The following CCDC169 variants were observed in gnomAD, a reference collection of about 807,000 sequenced individuals.
CCDC169 encodes coiled-coil domain containing 169.
A neutral mutation model predicts 36.0 loss-of-function variants in CCDC169; 30 were observed. The ratio of observed to expected loss-of-function variants is 0.83; its 90% CI spans 0.62 to 1.13. CCDC169 has a LOEUF of 1.13. CCDC169 is among the 50% of genes most tolerant of loss of function. CCDC169 has a pLI of 0.00. For missense variants in CCDC169, 245 were observed against 245.9 expected, an observed-to-expected ratio of 1.00 and a Z score of 0.03; for synonymous variants, 85 against 81.5, an observed-to-expected ratio of 1.04 and a Z score of -0.23.
chr13:36,227,362 A>ATTCTTC, downstream of CCDC169: 2 of 1,548,138 alleles, frequency 1.3e-6, no homozygotes, highest in Non-Finnish European at 8.7e-7. Context: ...AAAGGGTCCA[A>ATTCTTC]TTCTTCTTTT....
At chr13:36,227,674 A>G (rs959969418), downstream of CCDC169, among the ~76,000 whole-genome samples, 2 of 152,214 alleles carry the variant, frequency 1.3e-5, no homozygotes, top group Admixed American at 1.3e-4. Flanking sequence ...TTACTGAGGT[A>G]TAAATCACAA....
downstream of CCDC169, chr13:36,227,047 T>C (rs181271496): frequency 1.8e-3 from 761 of 433,828 alleles, 6 homozygotes; most frequent in East Asian, 1.2e-3. Flanking sequence ...TCGAGGAGAG[T>C]TGGAAGAAGT....
chr13:36,279,135 C>T (rs550614792), intron 4 of CCDC169, among the ~76,000 whole-genome samples: 12 of 151,858 alleles, frequency 7.9e-5, no homozygotes, highest in South Asian at 2.1e-4. Context: ...ACCTAGACTA[C>T]GACAAAAGCA....
chr13:36,259,697 CTGAAG>C (rs1874371089), intron 4 of CCDC169, among the ~76,000 whole-genome samples: 1 of 151,820 alleles, frequency 6.6e-6, no homozygotes, highest in South Asian at 2.1e-4. Flanking sequence ...CAATCAGAGG[CTGAAG>C]TGAAGACTTG....
chr13:36,292,726 G>T (rs1021151524), intron 2 of CCDC169, among the ~76,000 whole-genome samples: 1 of 152,146 alleles, frequency 6.6e-6, no homozygotes, highest in South Asian at 2.1e-4. Context: ...GGGAAAAGTG[G>T]GGCCAAAAGA....
At chr13:36,233,229 T>G (rs1593987944) in intron 7 of CCDC169, among the ~76,000 whole-genome samples, 2 of 55,282 alleles carry the variant, frequency 3.6e-5, no homozygotes, top group African/African-American at 9.0e-5. Context: ...CAGCAGAGAC[T>G]TCAGTGTCCA....
chr13:36,285,321 G>A (rs1594083784), intron 2 of CCDC169, among the ~76,000 whole-genome samples: 1 of 152,218 alleles, frequency 6.6e-6, no homozygotes, highest in South Asian at 2.1e-4. Flanking sequence ...GGCTGAGGCT[G>A]GTGGATCACT....
intron 4 of CCDC169, 50 bp downstream of exon 4, chr13:36,283,419 G>A (rs1877784798): frequency 6.8e-7 from 1 of 1,475,828 alleles, no homozygotes; most frequent in Non-Finnish European, 9.2e-7. Context: ...GGAAAAAATA[G>A]ACATAATTTC....
intron 7 of CCDC169, chr13:36,244,350 T>A (rs1872225260): frequency 6.6e-6 from 1 of 152,238 alleles, no homozygotes. Context: ...GGAATTTTGG[T>A]GCATGCCAGG....
intron 4 of CCDC169, among the ~76,000 whole-genome samples, chr13:36,282,127 T>C (rs1877612105): frequency 1.5e-5 from 1 of 68,392 alleles, no homozygotes; most frequent in Non-Finnish European, 4.4e-5. Flanking sequence ...TTCATAAGTA[T>C]GTCTGTACAG....
chr13:36,291,470 G>A (rs988889680), intron 2 of CCDC169, among the ~76,000 whole-genome samples: 3 of 152,042 alleles, frequency 2.0e-5, no homozygotes, highest in Admixed American at 6.6e-5. Context: ...GGAATTGTGG[G>A]TGGGATCATT....
intron 4 of CCDC169, among the ~76,000 whole-genome samples, chr13:36,257,120 G>A (rs1024713435): frequency 4.8e-5 from 6 of 124,334 alleles, no homozygotes; most frequent in Non-Finnish European, 1.2e-4. Flanking sequence ...GATAGGGGAG[G>A]TACCCGGTGT....
At chr13:36,227,288 C>G, downstream of CCDC169, 1 of 1,551,492 alleles carries the variant, frequency 6.4e-7, no homozygotes, top group Non-Finnish European at 8.7e-7. Context: ...CGAGGCATGT[C>G]CTATTCTCTG....
At chr13:36,295,151 T>A (rs1879327970) in intron 2 of CCDC169, among the ~76,000 whole-genome samples, 1 of 152,214 alleles carries the variant, frequency 6.6e-6, no homozygotes, top group Non-Finnish European at 1.5e-5. Flanking sequence ...TCTGTTAGGT[T>A]TCCCTTCCCT....
At chr13:36,239,229 C>A (rs1871448378) in intron 7 of CCDC169, among the ~76,000 whole-genome samples, 2 of 131,204 alleles carry the variant, frequency 1.5e-5, no homozygotes, top group African/African-American at 5.9e-5. Flanking sequence ...CAGCACAAGA[C>A]CTGTCTCTTT....
chr13:36,240,623 T>A (rs1345329118), intron 7 of CCDC169: 1 of 1,284,972 alleles, frequency 7.8e-7, no homozygotes, highest in East Asian at 5.6e-5. Flanking sequence ...TACCAATGGC[T>A]CCTTAGTTAT....
chr13:36,249,865 TG>T (rs1407100506), intron 6 of CCDC169, among the ~76,000 whole-genome samples: 1 of 152,202 alleles, frequency 6.6e-6, no homozygotes, highest in Non-Finnish European at 1.5e-5. Flanking sequence ...GTTTCACACC[TG>T]ATAGATTCTC....
At chr13:36,267,844 TA>T (rs1875532449) in intron 4 of CCDC169, among the ~76,000 whole-genome samples, 1 of 151,354 alleles carries the variant, frequency 6.6e-6, no homozygotes. Context: ...AATAACACAT[TA>T]AAAAAAAGCA....
At chr13:36,229,219 A>G (rs1267246409), downstream of CCDC169, among the ~76,000 whole-genome samples, 5 of 152,188 alleles carry the variant, frequency 3.3e-5, no homozygotes, top group African/African-American at 1.2e-4. Flanking sequence ...GTTATTTACC[A>G]AAGTCAGAAG....
Sources: gnomAD v4.1 joint callset for allele counts (sites outside exome capture counted in the v4.1 genomes callset) on GRCh38, gnomAD v4.1.1 for gene constraint, MANE v1.5 for transcripts, NCBI Gene and HGNC (gene_info 2026-07-23, HGNC 2026-07-21) for gene names.